PWWP2A: variants seen among roughly 807,000 people sequenced by gnomAD.
The protein encoded by PWWP2A is PWWP domain containing 2A.
Under a neutral mutation model 48.5 loss-of-function variants are expected in PWWP2A, and 18 were observed. The observed-to-expected ratio is 0.37, with a 90% CI of 0.26 to 0.55. The LOEUF (loss-of-function observed/expected upper bound fraction) is 0.55, where lower values mean the gene tolerates loss of function less well. Among genes scored for constraint, PWWP2A ranks in the 20% least tolerant of loss-of-function variants. The pLI is 0.81. For synonymous variants in PWWP2A, 396 were observed against 387.7 expected (o/e 1.02, Z -0.25); for missense variants, 867 against 976.4 (o/e 0.89, Z 1.49).
intron 1 of PWWP2A, among the ~76,000 whole-genome samples, chr5:160,096,895 T>TTA (rs1430610266): frequency 6.6e-6 from 1 of 152,212 alleles, no homozygotes; most frequent in Non-Finnish European, 1.5e-5. Flanking sequence ...TCTAAACTCA[T>TTA]TTTTGCATGT....
rs535110852 is a variant in PWWP2A, at chr5:160,115,137, CA to C, written c.584+3667del. On this transcript the variant is annotated intron_variant, in intron 1 of 1. Coordinates refer to ENST00000307063, the MANE Select transcript of PWWP2A (RefSeq NM_001130864.2). ...CCTGGGTAACAGAGGGAGACTCTGT[CA>C]AAAAAAAAAAAAAAAAAAAAAAAAA... Among the ~76,000 whole-genome samples the C allele has an allele frequency of 6.5e-3, 571 of 88,174 alleles. 1 individual carries two copies. Among genetic ancestry groups the C allele is most frequent in the African/African-American group, 0.017 (302 of 17,458 alleles). 57.8% of individuals were successfully genotyped at this position (88,174 alleles called of 152,430 possible).
At chr5:160,117,395 C>G (rs534967977) in intron 1 of PWWP2A, among the ~76,000 whole-genome samples, 3 of 152,268 alleles carry the variant, frequency 2.0e-5, no homozygotes, top group African/African-American at 7.2e-5. Context: ...CGGCTCATGC[C>G]TGTAATCCCA....
chr5:160,057,787 T>TGA (rs1207445891), downstream of PWWP2A, among the ~76,000 whole-genome samples: 4 of 152,188 alleles, frequency 2.6e-5, no homozygotes, highest in Non-Finnish European at 4.4e-5. The surrounding 1 kb of genome is among the most constrained non-coding windows in gnomAD (Gnocchi z 4.4). Context: ...TGTGTGTGTG[T>TGA]GACACAGAGC....
intron 1 of PWWP2A, among the ~76,000 whole-genome samples, chr5:160,107,380 A>C (rs377077522): frequency 1.3e-5 from 2 of 152,096 alleles, no homozygotes; most frequent in Non-Finnish European, 1.5e-5. Context: ...TTAATCTCCA[A>C]TTACTTTCTT....
downstream of PWWP2A, among the ~76,000 whole-genome samples, chr5:160,072,097 C>A (rs1753752504): frequency 1.3e-5 from 2 of 152,160 alleles, no homozygotes; most frequent in African/African-American, 4.8e-5. Flanking sequence ...TGTGCGCATT[C>A]CACCAGAAGT....
At chr5:160,069,634 C>T (rs935239408) in intron 2 of PWWP2A, among the ~76,000 whole-genome samples, 11 of 152,084 alleles carry the variant, frequency 7.2e-5, no homozygotes, top group Non-Finnish European at 1.3e-4. Flanking sequence ...GAGGCCAAGG[C>T]GGGAGGATCA....
chr5:160,071,235 T>C (rs1318679170), downstream of PWWP2A, among the ~76,000 whole-genome samples: 1 of 152,176 alleles, frequency 6.6e-6, no homozygotes, highest in Non-Finnish European at 1.5e-5. Flanking sequence ...GTGCTCCTTT[T>C]TAGTCTCTGA....
At chr5:160,101,213 G>C (rs1438853811) in intron 1 of PWWP2A, among the ~76,000 whole-genome samples, 2 of 152,136 alleles carry the variant, frequency 1.3e-5, no homozygotes, top group African/African-American at 4.8e-5. Context: ...TAGTGGGCAT[G>C]GTGGTGCATG....
At chr5:160,089,756 G>C, downstream of PWWP2A, 1 of 1,206,110 alleles carries the variant, frequency 8.3e-7, no homozygotes, top group African/African-American at 1.6e-5. Flanking sequence ...TCTTACTTAA[G>C]CCGCAGATTT....
At chr5:160,103,661 G>A (rs1033757726) in intron 1 of PWWP2A, among the ~76,000 whole-genome samples, 16 of 152,104 alleles carry the variant, frequency 1.1e-4, no homozygotes, top group African/African-American at 3.9e-4. Context: ...AAATGGTGAA[G>A]ACTAGTTATC....
rs931943898 is a variant in PWWP2A at position 160,092,926 on chromosome 5, G to C, written c.1724C>G (p.Ser575Cys). 6.4e-7 allele frequency: 1 copy of C among 1,551,602 alleles called. No homozygotes were observed. The highest frequency in any genetic ancestry group is 8.7e-7 in the Non-Finnish European group (1 of 1,147,004). The change falls in exon 2 of 2, where the codon TCT (serine) becomes TGT (cysteine). Residue 575 changes from serine (S) to cysteine (C), a missense_variant. Coordinates refer to ENST00000307063, the MANE Select transcript of PWWP2A (RefSeq NM_001130864.2). ...SVYMTLNQKKSDSSSASVCSI... is the reference protein window; with the variant it reads ...SVYMTLNQKKCDSSSASVCSI... ...ACACACTGAAGCACTGGAAGAGTCA[G>C]ATTTCTTTTGATTTAGGGTCATATA...
At chr5:160,083,518 G>A (rs1278427976) in intron 2 of PWWP2A, among the ~76,000 whole-genome samples, 4 of 152,110 alleles carry the variant, frequency 2.6e-5, no homozygotes, top group Admixed American at 6.6e-5. Context: ...AAAATGCTAC[G>A]GTCCTAGGGA....
the PWWP2A span, among the ~76,000 whole-genome samples, chr5:160,045,094 A>G: frequency 6.6e-6 from 1 of 152,186 alleles, no homozygotes; most frequent in African/African-American, 2.4e-5. Flanking sequence ...GGGTTTGGGA[A>G]GTTTAAATTA....
intron 2 of PWWP2A, among the ~76,000 whole-genome samples, chr5:160,068,141 A>G (rs888515623): frequency 9.9e-5 from 15 of 152,186 alleles, no homozygotes; most frequent in Non-Finnish European, 1.6e-4. Context: ...AGATCATGCC[A>G]CTGCAGTCCA....
At chr5:160,096,620 TCTTA>T (rs773640329) in intron 1 of PWWP2A, among the ~76,000 whole-genome samples, 1 of 152,166 alleles carries the variant, frequency 6.6e-6, no homozygotes, top group Non-Finnish European at 1.5e-5. Flanking sequence ...GTGCCCTTCC[TCTTA>T]CTGATTTATA....
downstream of PWWP2A, among the ~76,000 whole-genome samples, chr5:160,073,428 C>T (rs565172324): frequency 1.5e-3 from 230 of 151,946 alleles, no homozygotes; most frequent in African/African-American, 4.9e-3. Flanking sequence ...AGAGTTTCAC[C>T]GTGTTAGCCA....
At chr5:160,112,722 C>T (rs897465359) in intron 1 of PWWP2A, among the ~76,000 whole-genome samples, 5 of 151,746 alleles carry the variant, frequency 3.3e-5, no homozygotes, top group Non-Finnish European at 5.9e-5. Context: ...TAAACTGAGG[C>T]GTAAAGTTTG....
chr5:160,046,736 G>A, the PWWP2A span, among the ~76,000 whole-genome samples: 4 of 152,266 alleles, frequency 2.6e-5, no homozygotes, highest in African/African-American at 4.8e-5. Context: ...GCAACAGGCC[G>A]GGCACAGTGG....
chr5:160,087,878 A>G (rs904528776), downstream of PWWP2A, among the ~76,000 whole-genome samples: 17 of 152,230 alleles, frequency 1.1e-4, no homozygotes, highest in African/African-American at 4.1e-4. Flanking sequence ...AGAGTTGTTT[A>G]TCTTATATTA....
Sources: gnomAD v4.1 joint callset for allele counts (sites outside exome capture counted in the v4.1 genomes callset) on GRCh38, gnomAD v4.1.1 for gene constraint, Gnocchi (gnomAD v3.1) non-coding constraint, MANE v1.5 for transcripts, NCBI Gene and HGNC (gene_info 2026-07-23, HGNC 2026-07-21) for gene names.